SPAG16: variants seen among roughly 807,000 people sequenced by gnomAD.
SPAG16 encodes sperm-associated antigen 16 protein.
In SPAG16, 86 loss-of-function variants were observed where a neutral mutation model predicts 80.4. The ratio of observed to expected loss-of-function variants is 1.07; its 90% confidence interval spans 0.90 to 1.28. The LOEUF (loss-of-function observed/expected upper bound fraction) is 1.28, where lower values mean the gene tolerates loss of function less well. Ranked by LOEUF, SPAG16 falls within the 50% of genes most tolerant of loss-of-function variation. SPAG16 has a pLI of 0.00. For synonymous variants in SPAG16, 294 were observed against 265.9 expected (o/e 1.11, Z -1.03); for missense variants, 870 against 765.3 (o/e 1.14, Z -1.61).
intron 1 of SPAG16, among the ~76,000 whole-genome samples, chr2:213,286,181 T>C (rs2062050109): frequency 6.6e-6 from 1 of 152,200 alleles, no homozygotes; most frequent in African/African-American, 2.4e-5. Context: ...ATCACACTTA[T>C]TTGAACTTTA....
intron 10 of SPAG16, among the ~76,000 whole-genome samples, chr2:213,620,709 G>GTA (rs1379511987): frequency 3.9e-5 from 6 of 151,998 alleles, no homozygotes; most frequent in African/African-American, 9.7e-5. Flanking sequence ...ATTACACATT[G>GTA]TATATATATA....
At chr2:213,867,164 T>C (rs2075722778) in intron 11 of SPAG16, among the ~76,000 whole-genome samples, 1 of 152,244 alleles carries the variant, frequency 6.6e-6, no homozygotes, top group Non-Finnish European at 1.5e-5. Context: ...TAACTCATCA[T>C]TATTACATAT....
chr2:213,694,198 G>T (rs182251159), intron 10 of SPAG16, among the ~76,000 whole-genome samples: 1 of 152,290 alleles, frequency 6.6e-6, no homozygotes. Context: ...TTACTTAGGT[G>T]AGAAGTAATT....
chr2:213,999,377 G>A (rs1243977474), intron 12 of SPAG16, among the ~76,000 whole-genome samples: 1 of 152,238 alleles, frequency 6.6e-6, no homozygotes, highest in Non-Finnish European at 1.5e-5. Context: ...ACGTGGTGTT[G>A]AGCCTACAAG....
chr2:213,826,926 G>T (rs919314552), intron 10 of SPAG16, among the ~76,000 whole-genome samples: 1 of 151,782 alleles, frequency 6.6e-6, no homozygotes, highest in Admixed American at 6.6e-5. Context: ...GGTGTTGGGT[G>T]CATATATATC....
chr2:214,352,558 C>CTCTCTGTGTGTGTGTG (rs796885924), intron 15 of SPAG16, among the ~76,000 whole-genome samples: 40 of 142,548 alleles, frequency 2.8e-4, no homozygotes, highest in Non-Finnish European at 4.6e-4. Context: ...CTTTTTTTCT[C>CTCTCTGTGTGTGTGTG]TGTGTGTGTG....
At chr2:213,893,160 ACTAAAGTG>A (rs2076852298) in intron 11 of SPAG16, among the ~76,000 whole-genome samples, 1 of 152,198 alleles carries the variant, frequency 6.6e-6, no homozygotes, top group African/African-American at 2.4e-5. Context: ...TGACATTTCT[ACTAAAGTG>A]CTGAAAGAAA....
intron 15 of SPAG16, among the ~76,000 whole-genome samples, 196 bp from the exon 16 acceptor site, chr2:214,409,944 A>C (rs1027780914): frequency 2.0e-5 from 3 of 152,220 alleles, no homozygotes; most frequent in Non-Finnish European, 4.4e-5. Flanking sequence ...AAAATTTTAT[A>C]ACCTAATTAT....
chr2:213,549,091 G>A (rs1268717386), intron 10 of SPAG16, among the ~76,000 whole-genome samples: 1 of 151,640 alleles, frequency 6.6e-6, no homozygotes, highest in African/African-American at 2.4e-5. Context: ...CTTTCTACCT[G>A]TGGTCTATGG....
intron 9 of SPAG16, among the ~76,000 whole-genome samples, chr2:213,412,683 C>T (rs185432376): frequency 6.6e-6 from 1 of 152,070 alleles, no homozygotes; most frequent in Non-Finnish European, 1.5e-5. Context: ...CCAGAATTTC[C>T]CATTTTTGGA....
rs369278387 is a variant in SPAG16 at position 213,687,047 on chromosome 2, C to T, written c.1071-175438C>T. 2.6e-3 allele frequency among the ~76,000 whole-genome samples: 398 copies of T among 151,930 alleles called. 2 individuals are homozygous for T. The highest frequency in any genetic ancestry group is 8.5e-3 in the African/African-American group (351 of 41,482). ...GTTCTTTGTAATTTTTCCCTTTTTTCCTGCTTTCTTTAGGATTATTTTTAT... is the reference window on the plus strand; with the variant it reads ...GTTCTTTGTAATTTTTCCCTTTTTTTCTGCTTTCTTTAGGATTATTTTTAT... On this transcript the variant is annotated intron_variant, in intron 10 of 15. Coordinates refer to ENST00000331683, the MANE Select transcript of SPAG16 (RefSeq NM_024532.5).
At chr2:213,527,435 A>C (rs1444012174) in intron 10 of SPAG16, among the ~76,000 whole-genome samples, 1 of 152,038 alleles carries the variant, frequency 6.6e-6, no homozygotes, top group Non-Finnish European at 1.5e-5. Flanking sequence ...ATTTTTGTTT[A>C]TTCCTTATTG....
intron 10 of SPAG16, among the ~76,000 whole-genome samples, chr2:213,655,304 T>A (rs376230894): frequency 6.6e-6 from 1 of 152,216 alleles, no homozygotes; most frequent in Admixed American, 6.5e-5. Context: ...AATTAATGTC[T>A]ATTTTTAAAA....
intron 9 of SPAG16, among the ~76,000 whole-genome samples, chr2:213,382,119 G>A (rs1227748551): frequency 6.6e-6 from 1 of 152,064 alleles, no homozygotes; most frequent in Non-Finnish European, 1.5e-5. Context: ...GTATAGTTGA[G>A]GGACATGTGA....
intron 15 of SPAG16, among the ~76,000 whole-genome samples, chr2:214,293,552 G>T (rs1167104687): frequency 6.6e-6 from 1 of 152,318 alleles, no homozygotes; most frequent in African/African-American, 2.4e-5. Flanking sequence ...CGTATGATAG[G>T]CAGAGGCAGA....
chr2:214,366,798 A>T (rs546991255), intron 15 of SPAG16, among the ~76,000 whole-genome samples: 1 of 152,140 alleles, frequency 6.6e-6, no homozygotes, highest in Non-Finnish European at 1.5e-5. Flanking sequence ...AGCTCCTGCC[A>T]TCTGCTTTAA....
intron 10 of SPAG16, among the ~76,000 whole-genome samples, chr2:213,745,005 G>T (rs1649378077): frequency 6.6e-6 from 1 of 152,116 alleles, no homozygotes; most frequent in Non-Finnish European, 1.5e-5. Context: ...GACATACGTT[G>T]ATTTTTCTTC....
At chr2:213,626,411 T>G (rs781095212) in intron 10 of SPAG16, among the ~76,000 whole-genome samples, 4 of 151,948 alleles carry the variant, frequency 2.6e-5, no homozygotes, top group Non-Finnish European at 5.9e-5. Context: ...AATGAAACAA[T>G]AAAGAAAATT....
chr2:213,666,866 A>G (rs1173579038), intron 10 of SPAG16, among the ~76,000 whole-genome samples: 1 of 152,220 alleles, frequency 6.6e-6, no homozygotes, highest in African/African-American at 2.4e-5. Flanking sequence ...TTAAGAGAGT[A>G]GCAATTCTAA....
Sources: gnomAD v4.1 joint callset for allele counts (sites outside exome capture counted in the v4.1 genomes callset) on GRCh38, gnomAD v4.1.1 for gene constraint, MANE v1.5 for transcripts, NCBI Gene and HGNC (gene_info 2026-07-23, HGNC 2026-07-21) for gene names.